The following COL11A1 variants were observed in gnomAD, a reference collection of about 807,000 sequenced individuals.
COL11A1 encodes the protein collagen type XI alpha 1 chain.
In COL11A1, 74 loss-of-function variants were observed where a neutral mutation model predicts 265.2. That is an observed-to-expected ratio of 0.28 (90% CI 0.23 to 0.34). The LOEUF is 0.34. COL11A1 is among the 10% of genes least tolerant of loss of function. The probability of loss-of-function intolerance (pLI) is 1.00; values close to 1 mark genes in which losing one functional copy is unlikely to be tolerated. For missense variants in COL11A1, 2,165 were observed against 2,263.6 expected (o/e 0.96, Z 0.88); for synonymous variants, 816 against 727.6 (o/e 1.12, Z -1.96).
intron 60 of COL11A1, 41 bp downstream of exon 60, chr1:102,888,825 A>T: frequency 6.2e-7 from 1 of 1,612,414 alleles, no homozygotes; most frequent in Non-Finnish European, 8.5e-7. Flanking sequence ...TATATTTGTA[A>T]CTTAACCCTA....
In COL11A1 at chr1:102,932,541, A is replaced by C. The variant is rs555015612; in HGVS notation, c.3600+1908T>G. Among the ~76,000 whole-genome samples the C allele has an allele frequency of 5.3e-5, 8 of 151,988 alleles. No homozygotes were observed. The East Asian group carries it at 1.6e-3, about 30-fold the overall frequency. On this transcript the variant is annotated intron_variant, in intron 46 of 66. Coordinates refer to ENST00000370096, the MANE Select transcript of COL11A1 (RefSeq NM_001854.4). Reference sequence around the variant, plus strand: ...CCCTTAACATTTTTTCCTTCATTTCAACTTTGGTGAATCTGACAATTATGT... The same window carrying C: ...CCCTTAACATTTTTTCCTTCATTTCCACTTTGGTGAATCTGACAATTATGT...
chr1:103,081,393 A>C (rs1672401460), intron 2 of COL11A1, among the ~76,000 whole-genome samples: 2 of 151,914 alleles, frequency 1.3e-5, no homozygotes, highest in African/African-American at 4.8e-5. Flanking sequence ...AGTGCACATA[A>C]ATAGAAAAAG....
intron 4 of COL11A1, among the ~76,000 whole-genome samples, chr1:103,064,922 A>C (rs1670980012): frequency 6.6e-6 from 1 of 152,068 alleles, no homozygotes; most frequent in African/African-American, 2.4e-5. Context: ...TAGAGAAAGA[A>C]AGATTTTTAG....
intron 31 of COL11A1, among the ~76,000 whole-genome samples, chr1:102,983,440 A>G (rs372095835): frequency 8.5e-5 from 13 of 152,072 alleles, no homozygotes; most frequent in Non-Finnish European, 1.8e-4. Flanking sequence ...CCTAAATCCA[A>G]TGGCGAGTGT....
intron 28 of COL11A1, among the ~76,000 whole-genome samples, chr1:102,995,550 C>G (rs1229916092): frequency 6.6e-6 from 1 of 151,446 alleles, no homozygotes; most frequent in Admixed American, 6.6e-5. Flanking sequence ...CATCTAAATC[C>G]TGCAGCAAAT....
In COL11A1 at chr1:103,006,148, C is replaced by A. The variant is rs773709068; in HGVS notation, c.1738-27G>T. The A allele has an allele frequency of 7.6e-6, 12 of 1,588,128 alleles. No homozygotes were observed. In the Admixed American group the frequency reaches 1.9e-4, roughly 25 times the overall value. On this transcript the variant is annotated intron_variant, in intron 16 of 66. Coordinates refer to ENST00000370096, the MANE Select transcript of COL11A1 (RefSeq NM_001854.4). ...TAATAATGCCAACAGCATGATTAAG[C>A]GAAGTGACTTTTATTACTAGCAAGG... is the stretch of plus-strand genomic sequence containing the variant.
At position 102,928,136 on chromosome 1, in the gene COL11A1, C is replaced by T. The variant is rs536805198; in HGVS notation, c.3601-4747G>A. On this transcript the variant is annotated intron_variant, in intron 46 of 66. Coordinates refer to ENST00000370096, the MANE Select transcript of COL11A1 (RefSeq NM_001854.4). ...TTATTATACTTTAAGTTTTAGGGTA[C>T]ATGTGCACATTGTGCAGGTTAGTTA... is the stretch of plus-strand genomic sequence containing the variant. 6.4e-4 allele frequency among the ~76,000 whole-genome samples: 98 copies of T among 151,940 alleles called. 1 individual carries two copies. The Middle Eastern group carries it at 0.01, about 16-fold the overall frequency.
chr1:103,063,693 G>A (rs75670193), intron 4 of COL11A1, among the ~76,000 whole-genome samples: 1 of 152,042 alleles, frequency 6.6e-6, no homozygotes, highest in Non-Finnish European at 1.5e-5. Flanking sequence ...TTCCATGAAA[G>A]AATTTATTGA....
At chr1:103,098,417 T>G (rs778638134) in intron 1 of COL11A1, among the ~76,000 whole-genome samples, 9 of 151,932 alleles carry the variant, frequency 5.9e-5, no homozygotes, top group African/African-American at 1.4e-4. Context: ...TGCATCAACA[T>G]TATCTATGAA....
intron 46 of COL11A1, among the ~76,000 whole-genome samples, chr1:102,924,861 C>A (rs1486605850): frequency 5.3e-5 from 8 of 151,862 alleles, no homozygotes; most frequent in African/African-American, 1.9e-4. Context: ...ATAAGTTTAA[C>A]TGTAAAATAT....
At chr1:103,078,393 C>T (rs1346608341) in intron 3 of COL11A1, among the ~76,000 whole-genome samples, 1 of 152,102 alleles carries the variant, frequency 6.6e-6, no homozygotes. Flanking sequence ...ACCCACCCCA[C>T]TGCCACACCC....
At chr1:102,902,485 A>G (rs1207197153) in intron 54 of COL11A1, among the ~76,000 whole-genome samples, 1 of 152,154 alleles carries the variant, frequency 6.6e-6, no homozygotes, top group Non-Finnish European at 1.5e-5. Flanking sequence ...AAAAGTATTA[A>G]AAACATTAAT....
intron 49 of COL11A1, 28 bp downstream of exon 49, chr1:102,920,283 T>A: frequency 6.2e-7 from 1 of 1,602,176 alleles, no homozygotes; most frequent in Non-Finnish European, 8.6e-7. Context: ...TCATGCTGTT[T>A]CAAACTGTGT....
At chr1:103,016,502 G>C (rs1224074042) in intron 11 of COL11A1, among the ~76,000 whole-genome samples, 1 of 151,812 alleles carries the variant, frequency 6.6e-6, no homozygotes, top group Non-Finnish European at 1.5e-5. Context: ...TAAGGTATAT[G>C]TCCATAAGCT....
rs147848946 is a variant in COL11A1 at position 102,923,434 on chromosome 1, TA to T, written c.3601-46del. ...AAATAATAAAAGTCACTGATGTCTT[TA>T]AAAAAAAAAGTTTGGTCAATTTCTA... On this transcript the variant is annotated intron_variant, in intron 46 of 66. Transcript: ENST00000370096. The T allele has an allele frequency of 0.087, 107,975 of 1,245,676 alleles. 4,249 individuals carry two copies. The highest frequency in any genetic ancestry group is 0.1 in the Non-Finnish European group (90,606 of 907,246). 77.2% of individuals were successfully genotyped at this position (1,245,676 alleles called of 1,614,324 possible). A position where few individuals can be genotyped will look rare whatever the true frequency, so the allele number is the denominator to read the frequency against.
At chr1:102,954,352 A>G (rs1455347624) in intron 41 of COL11A1, among the ~76,000 whole-genome samples, 2 of 150,494 alleles carry the variant, frequency 1.3e-5, no homozygotes, top group Non-Finnish European at 2.9e-5. Context: ...TAAATGTTTT[A>G]TCAGTTATTT....
intron 23 of COL11A1, 34 bp downstream of exon 23, chr1:103,002,394 T>C (rs771374068): frequency 1.0e-5 from 16 of 1,559,824 alleles, no homozygotes; most frequent in Non-Finnish European, 1.4e-5. Flanking sequence ...CTTCCCCCCA[T>C]TATTTCAAAG....
At chr1:102,884,492 G>T (rs1466815190) in intron 63 of COL11A1, 1 of 152,240 alleles carries the variant, frequency 6.6e-6, no homozygotes, top group Non-Finnish European at 1.5e-5. Context: ...GTGACCAGCA[G>T]CTTCTTTATA....
intron 6 of COL11A1, 196 bp from the exon 7 acceptor site, chr1:103,025,809 T>A: frequency 6.2e-7 from 1 of 1,613,330 alleles, no homozygotes; most frequent in Non-Finnish European, 8.5e-7. Flanking sequence ...CCTTTACCCC[T>A]AGTTTGGCTT....
Sources: allele counts gnomAD v4.1 joint callset (sites outside exome capture counted in the v4.1 genomes callset), GRCh38; gene constraint gnomAD v4.1.1; transcripts MANE v1.5; gene names NCBI Gene and HGNC (gene_info 2026-07-23, HGNC 2026-07-21).